The following CCDC18 variants were observed in gnomAD, a reference collection of about 807,000 sequenced individuals.
The protein encoded by CCDC18 is coiled-coil domain-containing protein 18.
A neutral mutation model predicts 196.0 loss-of-function variants in CCDC18; 157 were observed. That is an observed-to-expected ratio of 0.80 (90% confidence interval 0.70 to 0.91). The LOEUF (loss-of-function observed/expected upper bound fraction) is 0.91, where lower values mean the gene tolerates loss of function less well. Among genes scored for constraint, CCDC18 ranks in the 40% least tolerant of loss-of-function variants. The pLI, the probability that CCDC18 is intolerant of heterozygous loss-of-function variation, is 0.00. For missense variants in CCDC18, 1,465 were observed against 1,611.6 expected (o/e 0.91, Z 1.56); for synonymous variants, 482 against 529.2 (o/e 0.91, Z 1.22).
chr1:93,189,146 T>TAA (rs1248164441), intron 4 of CCDC18, among the ~76,000 whole-genome samples: 1 of 152,200 alleles, frequency 6.6e-6, no homozygotes, highest in Non-Finnish European at 1.5e-5. Context: ...CGGCCTCTGG[T>TAA]AACCATCCTT....
At chr1:93,227,304 G>A (rs536238694) in intron 17 of CCDC18, among the ~76,000 whole-genome samples, 5 of 149,576 alleles carry the variant, frequency 3.3e-5, no homozygotes, top group African/African-American at 9.9e-5. Context: ...GACTATAGGC[G>A]CATGCTGCCA....
In CCDC18 at chr1:93,239,531, A is replaced by G. The variant is rs1660488224; in HGVS notation, c.2767+58A>G. 2.0e-6 allele frequency: 3 copies of G among 1,533,412 alleles called. No homozygotes were observed. In the African/African-American group the frequency reaches 4.2e-5, roughly 21 times the overall value. The allele number at this position is 1,533,412 out of a possible 1,614,324, so 95.0% of individuals were successfully genotyped here. Reference sequence around the variant, plus strand: ...ATGTATTTGTACTTAACGAAGTGAAATAATGTGAGAATTTGAGATGGTGGG... The same window carrying G: ...ATGTATTTGTACTTAACGAAGTGAAGTAATGTGAGAATTTGAGATGGTGGG... On this transcript the variant is annotated intron_variant, in intron 20 of 28. Coordinates refer to ENST00000690025, the MANE Select transcript of CCDC18 (RefSeq NM_001378204.1).
chr1:93,196,530 G>A (rs188932269), intron 6 of CCDC18, among the ~76,000 whole-genome samples: 1 of 152,268 alleles, frequency 6.6e-6, no homozygotes, highest in Admixed American at 6.5e-5. Flanking sequence ...AAACTTATAT[G>A]TATCTAATAA....
intron 4 of CCDC18, chr1:93,190,733 A>G: frequency 4.0e-6 from 2 of 501,648 alleles, no homozygotes; most frequent in South Asian, 4.8e-5. Context: ...AAAACAAAAG[A>G]TAACACTTAG....
At chr1:93,219,407 A>G (rs2102168435) in intron 14 of CCDC18, among the ~76,000 whole-genome samples, 1 of 152,320 alleles carries the variant, frequency 6.6e-6, no homozygotes, top group South Asian at 2.1e-4. Context: ...TGACATATCC[A>G]AATTGGATCT....
At chr1:93,191,087 GATT>G (rs949922296) in intron 4 of CCDC18, 28 of 522,116 alleles carry the variant, frequency 5.4e-5, no homozygotes, top group Non-Finnish European at 6.8e-5. Flanking sequence ...TCAGCAAGGA[GATT>G]TTTTTTTTTT....
chr1:93,264,996 C>G (rs532750833), intron 27 of CCDC18, 95 bp downstream of exon 27: 1 of 792,888 alleles, frequency 1.3e-6, no homozygotes, highest in African/African-American at 1.7e-5. Flanking sequence ...GACTATATGA[C>G]CAAATATTGG....
rs778632935 is a variant in CCDC18, at chr1:93,239,338, A to G, written c.2632A>G (p.Lys878Glu). The stretch of plus-strand genomic sequence containing the variant: ...AGTAAAGATTGAGATGGATCAGTAC[A>G]AAGAAGAGCTGTCTAAAATGGAAAA... Reference protein sequence around the residue: ...RQVKIEMDQYKEELSKMEKEI... With the variant: ...RQVKIEMDQYEEELSKMEKEI... Residue 878 changes from lysine to glutamate, a missense_variant, in exon 20 of 29, where the codon AAA becomes GAA. Lys to Glu is a moderately conservative substitution (Grantham distance 56). Transcript: ENST00000690025. The G allele has an allele frequency of 1.4e-4, 228 of 1,612,562 alleles. No individual in the cohort carries two copies. Among genetic ancestry groups the G allele is most frequent in the Non-Finnish European group, 1.8e-4 (211 of 1,179,224 alleles).
chr1:93,235,015 G>C (rs1659880226), intron 18 of CCDC18, among the ~76,000 whole-genome samples: 1 of 143,428 alleles, frequency 7.0e-6, no homozygotes, highest in South Asian at 2.3e-4. Context: ...GGTAGAGACA[G>C]AGTTTCACCA....
At position 93,232,428 on chromosome 1, in the gene CCDC18, A is replaced by G. The variant is rs1463379780; in HGVS notation, c.2295A>G (p.Val765=). The G allele has an allele frequency of 6.4e-7, 1 of 1,567,264 alleles. No individual in the cohort carries two copies. Among genetic ancestry groups the G allele is most frequent in the Non-Finnish European group, 8.7e-7 (1 of 1,146,996 alleles). The change falls in exon 18 of 29, where the codon GTA becomes GTG. Residue 765 remains valine, a splice_region_variant and synonymous_variant. Coordinates refer to ENST00000690025, the MANE Select transcript of CCDC18 (RefSeq NM_001378204.1). ...AGATATATATATATATTTGCCAGGT[A>G]TATTGTTTACAGAAAGAGCTAAAGA... ...EKQLKKKSEE[V]YCLQKELKIK...
intron 28 of CCDC18, among the ~76,000 whole-genome samples, chr1:93,275,427 T>C (rs868347729): frequency 1.3e-5 from 2 of 152,182 alleles, no homozygotes; most frequent in South Asian, 4.1e-4. Context: ...ACATTTTAAA[T>C]TGGGATGTAG....
At chr1:93,180,337 T>C, upstream of CCDC18, 1 of 1,417,680 alleles carries the variant, frequency 7.1e-7, no homozygotes, top group Non-Finnish European at 9.4e-7. Flanking sequence ...GACAGGGAAA[T>C]CTGGAGTCTG....
intron 27 of CCDC18, among the ~76,000 whole-genome samples, chr1:93,270,129 T>G (rs1370657017): frequency 6.6e-6 from 1 of 152,166 alleles, no homozygotes; most frequent in Non-Finnish European, 1.5e-5. Flanking sequence ...TGGAATTTCT[T>G]AGAATAAGCA....
chr1:93,253,970 CTTTT>C (rs1662595875), intron 23 of CCDC18, among the ~76,000 whole-genome samples: 1 of 152,016 alleles, frequency 6.6e-6, no homozygotes, highest in Non-Finnish European at 1.5e-5. Context: ...GTGCAGGATT[CTTTT>C]TTTATTTTAT....
chr1:93,188,642 T>C (rs1485045109), intron 4 of CCDC18, among the ~76,000 whole-genome samples: 1 of 152,202 alleles, frequency 6.6e-6, no homozygotes. Context: ...AATCTCTTTT[T>C]TCCCCCCATT....
intron 18 of CCDC18, among the ~76,000 whole-genome samples, chr1:93,233,395 T>C (rs1284289360): frequency 1.3e-5 from 2 of 152,238 alleles, no homozygotes; most frequent in Admixed American, 6.5e-5. Flanking sequence ...ATATTTTACA[T>C]TCTTATTTTG....
intron 26 of CCDC18, among the ~76,000 whole-genome samples, chr1:93,260,864 C>T (rs1006626866): frequency 2.6e-5 from 4 of 152,060 alleles, no homozygotes; most frequent in South Asian, 2.1e-4. Context: ...TGAGAACATG[C>T]GGTGTTTGGT....
At chr1:93,276,660 C>G (rs549782986) in intron 28 of CCDC18, among the ~76,000 whole-genome samples, 35 of 152,130 alleles carry the variant, frequency 2.3e-4, no homozygotes, top group African/African-American at 8.4e-4. Context: ...TTTTCAAATT[C>G]ACACCCTCAG....
rs577968685 is a variant in CCDC18, at chr1:93,243,490, G to A, written c.2982-2615G>A. ...CTGTGATGGGAGAGGCTGCTCCAGA[G>A]ACCTCTGACATGCCCTGGAGACATT... On this transcript the variant is annotated intron_variant, in intron 21 of 28. Coordinates refer to ENST00000690025, the MANE Select transcript of CCDC18 (RefSeq NM_001378204.1). Among the ~76,000 whole-genome samples, 9 of 152,330 alleles carry A rather than the reference G, an allele frequency of 5.9e-5. No individual in the cohort carries two copies. In the South Asian group the frequency reaches 1.9e-3, roughly 32 times the overall value.
Sources: allele counts gnomAD v4.1 joint callset (sites outside exome capture counted in the v4.1 genomes callset), GRCh38; gene constraint gnomAD v4.1.1; transcripts MANE v1.5; gene names NCBI Gene and HGNC (gene_info 2026-07-23, HGNC 2026-07-21).